The following TLE1 variants were observed in gnomAD, a reference collection of about 807,000 sequenced individuals.
TLE1 encodes TLE family member 1, transcriptional corepressor.
In TLE1, 21 loss-of-function variants were observed where a neutral mutation model predicts 89.8. The observed-to-expected ratio is 0.23, with a 90% CI of 0.17 to 0.34. The LOEUF is 0.34. Among genes scored for constraint, TLE1 ranks in the 10% least tolerant of loss-of-function variants. The pLI is 1.00. For missense variants in TLE1, 795 were observed against 1,031.2 expected, an observed-to-expected ratio of 0.77 and a Z score of 3.14; for synonymous variants, 447 against 407.6, an observed-to-expected ratio of 1.10 and a Z score of -1.16.
chr9:81,643,712 T>A (rs1238125755), intron 6 of TLE1, among the ~76,000 whole-genome samples: 1 of 152,194 alleles, frequency 6.6e-6, no homozygotes, highest in South Asian at 2.1e-4. Flanking sequence ...TTTTTTTGAT[T>A]TTCAGTGGAA....
At chr9:81,639,614 G>A (rs60144586) in intron 6 of TLE1, among the ~76,000 whole-genome samples, 1,493 of 125,376 alleles carry the variant, frequency 0.012, 41 homozygotes, top group African/African-American at 0.043. Context: ...AGACAGTCTC[G>A]CTCTGTCGCC....
intron 15 of TLE1, among the ~76,000 whole-genome samples, chr9:81,592,222 G>C (rs1231708883): frequency 6.6e-6 from 1 of 152,204 alleles, no homozygotes; most frequent in Non-Finnish European, 1.5e-5. Context: ...GCCGGGCGTG[G>C]TGGTGGGCGC....
intron 6 of TLE1, among the ~76,000 whole-genome samples, chr9:81,636,266 T>A (rs1338990969): frequency 6.6e-6 from 1 of 151,996 alleles, no homozygotes; most frequent in African/African-American, 2.4e-5. Flanking sequence ...TTGGCAATAG[T>A]GAGACATAAA....
At chr9:81,643,740 T>C (rs975245955) in intron 6 of TLE1, among the ~76,000 whole-genome samples, 2 of 152,168 alleles carry the variant, frequency 1.3e-5, no homozygotes, top group Non-Finnish European at 2.9e-5. Context: ...CTTGCTATGT[T>C]GCCCAGGCTG....
chr9:81,598,299 C>T (rs1295421843), intron 14 of TLE1, among the ~76,000 whole-genome samples: 4 of 152,062 alleles, frequency 2.6e-5, no homozygotes, highest in African/African-American at 7.2e-5. Flanking sequence ...CTCCAAGTTG[C>T]GCACAAACTG....
At chr9:81,652,493 CA>C (rs1370625228) in intron 5 of TLE1, among the ~76,000 whole-genome samples, 5 of 152,098 alleles carry the variant, frequency 3.3e-5, no homozygotes, top group African/African-American at 1.2e-4. Flanking sequence ...TTCTAAACAA[CA>C]CCAGTCACTA....
intron 8 of TLE1, among the ~76,000 whole-genome samples, chr9:81,628,777 G>A (rs867938535): frequency 1.1e-4 from 17 of 151,122 alleles, no homozygotes; most frequent in African/African-American, 4.0e-4. Context: ...GTATGTGACC[G>A]GATGCACCCA....
intron 6 of TLE1, among the ~76,000 whole-genome samples, chr9:81,649,076 T>C (rs1243079699): frequency 6.6e-6 from 1 of 152,180 alleles, no homozygotes; most frequent in Non-Finnish European, 1.5e-5. Flanking sequence ...GTAGTTATTA[T>C]TCTGCCAGTC....
chr9:81,687,514 C>G, intron 1 of TLE1, 80 bp from the exon 2 acceptor site: 1 of 1,058,806 alleles, frequency 9.4e-7, no homozygotes, highest in South Asian at 1.4e-5. Context: ...AAGGCAAGAA[C>G]GGGTGGGACA....
At chr9:81,675,533 T>C (rs1041614663) in intron 4 of TLE1, among the ~76,000 whole-genome samples, 3 of 151,960 alleles carry the variant, frequency 2.0e-5, no homozygotes, top group African/African-American at 7.3e-5. Context: ...TCTTTTTTAG[T>C]CCAAACCCAA....
rs115434739 is a variant in TLE1 at position 81,637,278 on chromosome 9, A to G, written c.373-2977T>C. Among the ~76,000 whole-genome samples the G allele has an allele frequency of 2.5e-3, 387 of 152,298 alleles. 3 individuals carry two copies. The highest frequency in any genetic ancestry group is 8.9e-3 in the African/African-American group (370 of 41,570). On this transcript the variant is annotated intron_variant, in intron 6 of 19. Transcript: ENST00000376499. ...AAGGCTGAGGTGGGAGAATCGCTTG[A>G]ACTTGGAAAGCAGAGGCTGTAGTGA...
chr9:81,658,195 A>C (rs750274799), intron 4 of TLE1, among the ~76,000 whole-genome samples: 1 of 152,064 alleles, frequency 6.6e-6, no homozygotes, highest in Non-Finnish European at 1.5e-5. Flanking sequence ...TTATAATCCT[A>C]GCATGAGCCA....
intron 11 of TLE1, 93 bp downstream of exon 11, chr9:81,615,889 G>A (rs72747252): frequency 0.059 from 88,238 of 1,504,790 alleles, 3,031 homozygotes; most frequent in Non-Finnish European, 0.069. Flanking sequence ...CCCTCAAGCA[G>A]CAAAACCCCC....
intron 5 of TLE1, 136 bp downstream of exon 5, chr9:81,653,838 G>A: frequency 4.2e-6 from 3 of 707,682 alleles, no homozygotes; most frequent in East Asian, 2.7e-5. Context: ...AGACTAGCAG[G>A]GGGTTTACAC....
intron 17 of TLE1, among the ~76,000 whole-genome samples, chr9:81,587,194 T>C (rs1564102553): frequency 6.6e-6 from 1 of 152,224 alleles, no homozygotes; most frequent in Non-Finnish European, 1.5e-5. Context: ...ATCACTGAGG[T>C]ATCTGTGCAT....
intron 4 of TLE1, among the ~76,000 whole-genome samples, chr9:81,660,015 C>CT (rs993014140): frequency 4.6e-5 from 7 of 152,168 alleles, no homozygotes; most frequent in African/African-American, 1.7e-4. Flanking sequence ...CACTTACTGT[C>CT]ATTTGGTAAA....
At chr9:81,600,260 G>GC (rs1830738942) in intron 14 of TLE1, 1 of 571,706 alleles carries the variant, frequency 1.7e-6, no homozygotes, top group Non-Finnish European at 3.2e-6. Flanking sequence ...CATTATCCAA[G>GC]CAAGAAATAT....
chr9:81,601,975 G>T (rs750356604), intron 14 of TLE1, among the ~76,000 whole-genome samples: 1 of 152,090 alleles, frequency 6.6e-6, no homozygotes, highest in Non-Finnish European at 1.5e-5. Context: ...ATAGAAACAC[G>T]GCTTGTACAC....
intron 6 of TLE1, among the ~76,000 whole-genome samples, chr9:81,650,570 T>C (rs1385788432): frequency 6.6e-6 from 1 of 152,214 alleles, no homozygotes; most frequent in Non-Finnish European, 1.5e-5. Flanking sequence ...CAGTGAATAT[T>C]TGATTTGATC....
Sources: allele counts gnomAD v4.1 joint callset (sites outside exome capture counted in the v4.1 genomes callset), GRCh38; gene constraint gnomAD v4.1.1; transcripts MANE v1.5; gene names NCBI Gene and HGNC (gene_info 2026-07-23, HGNC 2026-07-21).